OSBP2: variants seen among roughly 807,000 people sequenced by gnomAD.
OSBP2 encodes oxysterol-binding protein 2.
Under a neutral mutation model 96.0 loss-of-function variants are expected in OSBP2, and 66 were observed. The ratio of observed to expected loss-of-function variants is 0.69; its 90% CI spans 0.56 to 0.84. The LOEUF is 0.84. OSBP2 is among the 40% of genes least tolerant of loss of function. The pLI is 0.00. For synonymous variants in OSBP2, 525 were observed against 520.9 expected (o/e 1.01, Z -0.11); for missense variants, 1,038 against 1,222.7 (o/e 0.85, Z 2.25).
chr22:30,882,249 A>G (rs1211609105), intron 3 of OSBP2, among the ~76,000 whole-genome samples: 2 of 152,058 alleles, frequency 1.3e-5, no homozygotes, highest in Non-Finnish European at 2.9e-5. Flanking sequence ...TGGTTAGTGA[A>G]TATCTCCCAG....
intron 12 of OSBP2, among the ~76,000 whole-genome samples, chr22:30,897,084 G>C (rs1253572116): frequency 6.6e-6 from 1 of 152,038 alleles, no homozygotes; most frequent in African/African-American, 2.4e-5. Flanking sequence ...ATTAATATCA[G>C]GTAAAATAGA....
chr22:30,709,497 C>A (rs1245590780), intron 1 of OSBP2, among the ~76,000 whole-genome samples: 1 of 151,770 alleles, frequency 6.6e-6, no homozygotes, highest in Non-Finnish European at 1.5e-5. Context: ...TTAGATTAGT[C>A]TAATTGTTTT....
At chr22:30,711,117 A>G (rs956334959) in intron 1 of OSBP2, among the ~76,000 whole-genome samples, 1 of 152,058 alleles carries the variant, frequency 6.6e-6, no homozygotes, top group East Asian at 1.9e-4. Context: ...GGTGGGAAAT[A>G]GTGTTTGAAG....
At chr22:30,722,957 T>C (rs752083372) in intron 1 of OSBP2, among the ~76,000 whole-genome samples, 3 of 151,830 alleles carry the variant, frequency 2.0e-5, no homozygotes, top group African/African-American at 4.8e-5. Context: ...ATAATTCTTT[T>C]TGAATTTTAG....
intron 12 of OSBP2, chr22:30,902,217 C>CT: frequency 7.2e-7 from 1 of 1,397,876 alleles, no homozygotes; most frequent in Admixed American, 1.7e-5. Context: ...GCTCACAGAG[C>CT]CCCACACACA....
At chr22:30,745,631 C>T (rs926956131) in intron 2 of OSBP2, among the ~76,000 whole-genome samples, 2 of 139,734 alleles carry the variant, frequency 1.4e-5, no homozygotes, top group African/African-American at 2.7e-5. Flanking sequence ...CATGCCACTG[C>T]GCTCCAGCCT....
chr22:30,752,117 G>C (rs116877820), intron 2 of OSBP2, among the ~76,000 whole-genome samples: 6 of 151,970 alleles, frequency 3.9e-5, no homozygotes, highest in Non-Finnish European at 8.8e-5. Context: ...GCTGTTCAGC[G>C]GCACCCAGCC....
At chr22:30,822,998 A>G (rs970438621) in intron 2 of OSBP2, among the ~76,000 whole-genome samples, 14 of 152,248 alleles carry the variant, frequency 9.2e-5, no homozygotes, top group Admixed American at 5.2e-4. Flanking sequence ...ATCTTTATGA[A>G]AAGAAGGGGG....
At chr22:30,777,826 G>A (rs950339051) in intron 2 of OSBP2, among the ~76,000 whole-genome samples, 5 of 152,084 alleles carry the variant, frequency 3.3e-5, no homozygotes, top group South Asian at 2.1e-4. Flanking sequence ...GTTCACACAC[G>A]TGCTCATCAG....
intron 2 of OSBP2, among the ~76,000 whole-genome samples, chr22:30,810,942 A>C (rs2090997708): frequency 6.6e-6 from 1 of 152,238 alleles, no homozygotes; most frequent in Admixed American, 6.5e-5. Context: ...TGATCCTGGC[A>C]CACTCTCTCC....
intron 2 of OSBP2, among the ~76,000 whole-genome samples, chr22:30,822,342 G>A (rs1284538744): frequency 6.6e-6 from 1 of 152,250 alleles, no homozygotes; most frequent in Non-Finnish European, 1.5e-5. Context: ...GGGGTCGCAC[G>A]GACCAGCAGG....
At chr22:30,882,522 A>AAG (rs2039724916) in intron 3 of OSBP2, among the ~76,000 whole-genome samples, 1 of 151,064 alleles carries the variant, frequency 6.6e-6, no homozygotes, top group South Asian at 2.1e-4. Flanking sequence ...AAAAAAAAAA[A>AAG]TCTACCTCAG....
chr22:30,905,916 G>T lies in OSBP2; in HGVS notation c.2455G>T (p.Asp819Tyr), dbSNP rs1362785195. ...NEHEEGVAPT[D>Y]SRLRPDQRLM... Reference sequence around the variant, plus strand: ...GCACGAGGAGGGCGTAGCGCCAACCGACAGCCGCCTGCGGCCCGACCAGCG... The same window carrying T: ...GCACGAGGAGGGCGTAGCGCCAACCTACAGCCGCCTGCGGCCCGACCAGCG... The change falls in exon 13 of 14, where the codon GAC becomes TAC. Residue 819 changes from aspartate to tyrosine, a missense_variant. Coordinates refer to ENST00000332585, the MANE Select transcript of OSBP2 (RefSeq NM_030758.4). The T allele has an allele frequency of 1.9e-6, 3 of 1,612,766 alleles. No homozygotes were observed. Among genetic ancestry groups the T allele is most frequent in the Admixed American group, 1.7e-5 (1 of 59,976 alleles).
chr22:30,835,508 A>G (rs2038612108), intron 2 of OSBP2, among the ~76,000 whole-genome samples: 1 of 152,158 alleles, frequency 6.6e-6, no homozygotes, highest in Non-Finnish European at 1.5e-5. Flanking sequence ...CCTTATGCCA[A>G]CACCACACTT....
chr22:30,784,636 T>G (rs2090562996), intron 2 of OSBP2, among the ~76,000 whole-genome samples: 1 of 152,192 alleles, frequency 6.6e-6, no homozygotes, highest in African/African-American at 2.4e-5. Context: ...ATTTTTATGT[T>G]TTCTAAAAGT....
intron 1 of OSBP2, among the ~76,000 whole-genome samples, chr22:30,708,478 A>ATTTTTTTTTTTTTTTTTTTTTT (rs56361178): frequency 1.6e-5 from 1 of 63,458 alleles, no homozygotes; most frequent in Non-Finnish European, 2.7e-5. Context: ...AAGGATAAGG[A>ATTTTTTTTTTTTTTTTTTTTTT]TTTTTTTTTT....
intron 2 of OSBP2, among the ~76,000 whole-genome samples, chr22:30,846,860 T>C (rs558634709): frequency 6.6e-6 from 1 of 152,346 alleles, no homozygotes; most frequent in South Asian, 2.1e-4. Flanking sequence ...CTTTTCTGAG[T>C]ATTTTTGTGT....
At position 30,695,522 on chromosome 22, in the gene OSBP2, G is replaced by C. The variant is rs754830122; in HGVS notation, c.613G>C (p.Val205Leu). 1 of 1,611,528 alleles carries C rather than the reference G, an allele frequency of 6.2e-7. No individual in the cohort carries two copies. ...GAAGGGCTACCAGCGCCGCTGGTTC[G>C]TGCTGGGCAATGGTTTGCTCTCTTA... Reference protein sequence around the residue: ...YLKGYQRRWFVLGNGLLSYYR... With the variant: ...YLKGYQRRWFLLGNGLLSYYR... Residue 205 changes from valine (V) to leucine (L), a missense_variant, in exon 1 of 14, where the codon GTG becomes CTG. By Grantham distance (32) the Val-to-Leu change is conservative. Around this residue, in one of 3 missense-constraint regions of OSBP2, gnomAD observed 281 missense variants for 273.4 expected, o/e 1.03. Coordinates refer to ENST00000332585, the MANE Select transcript of OSBP2 (RefSeq NM_030758.4).
At chr22:30,769,098 A>G (rs2090315849) in intron 2 of OSBP2, among the ~76,000 whole-genome samples, 1 of 152,220 alleles carries the variant, frequency 6.6e-6, no homozygotes, top group Non-Finnish European at 1.5e-5. Flanking sequence ...ATTCTGGGCT[A>G]CGGAACTAGA....
Sources: allele counts gnomAD v4.1 joint callset (sites outside exome capture counted in the v4.1 genomes callset), GRCh38; gene constraint gnomAD v4.1.1; regional missense constraint gnomAD v4.1.1; transcripts MANE v1.5; gene names NCBI Gene and HGNC (gene_info 2026-07-23, HGNC 2026-07-21).